The following PPP1R12B variants were observed in gnomAD, a reference collection of about 807,000 sequenced individuals.
The protein encoded by PPP1R12B is protein phosphatase 1 regulatory subunit 12B.
Under a neutral mutation model 126.1 loss-of-function variants are expected in PPP1R12B, and 76 were observed. The observed-to-expected ratio is 0.60, with a 90% CI of 0.50 to 0.73. PPP1R12B has a LOEUF of 0.73. Among genes scored for constraint, PPP1R12B ranks in the 30% least tolerant of loss-of-function variants. The pLI, the probability that PPP1R12B is intolerant of heterozygous loss-of-function variation, is 0.00. For synonymous variants in PPP1R12B, 356 were observed against 434.7 expected, an observed-to-expected ratio of 0.82 and a Z score of 2.25; for missense variants, 1,052 against 1,205.1, an observed-to-expected ratio of 0.87 and a Z score of 1.88.
chr1:202,413,656 T>C (rs560437770), intron 1 of PPP1R12B, among the ~76,000 whole-genome samples: 1 of 152,318 alleles, frequency 6.6e-6, no homozygotes, highest in East Asian at 1.9e-4. Context: ...AATATGTACT[T>C]ATTAAGTCAT....
chr1:202,435,843 C>T (rs555345248), intron 9 of PPP1R12B, among the ~76,000 whole-genome samples: 95 of 152,290 alleles, frequency 6.2e-4, no homozygotes, highest in African/African-American at 2.0e-3. Flanking sequence ...GAAGCATCAT[C>T]GTGAATAATT....
At chr1:202,530,679 C>G (rs760664583) in intron 18 of PPP1R12B, among the ~76,000 whole-genome samples, 8 of 152,120 alleles carry the variant, frequency 5.3e-5, no homozygotes, top group Admixed American at 2.0e-4. Flanking sequence ...ATTGTGAGCT[C>G]CATGCTGTGC....
At chr1:202,562,953 T>G in intron 20 of PPP1R12B, 31 bp downstream of exon 20, 1 of 1,532,272 alleles carries the variant, frequency 6.5e-7, no homozygotes, top group Non-Finnish European at 8.8e-7. Context: ...TCCGGTTCTT[T>G]GGTGACATGT....
chr1:202,409,048 A>G (rs1382280535), intron 1 of PPP1R12B, among the ~76,000 whole-genome samples: 2 of 151,528 alleles, frequency 1.3e-5, no homozygotes, highest in African/African-American at 2.4e-5. Context: ...CATGTTGCCC[A>G]GGCTGGTCTT....
intron 21 of PPP1R12B, 144 bp from the exon 22 acceptor site, chr1:202,567,633 GT>G: frequency 1.3e-6 from 1 of 764,262 alleles, no homozygotes; most frequent in South Asian, 1.8e-5. Flanking sequence ...ATCAGAACCT[GT>G]TTGCTGGGGA....
At position 202,580,789 on chromosome 1, in the gene PPP1R12B, G is replaced by C; in HGVS notation, c.*229G>C. The C allele has an allele frequency of 2.0e-6, 1 of 490,168 alleles. No individual in the cohort carries two copies. The allele number at this position is 490,168 out of a possible 1,614,324, so 30.4% of individuals were successfully genotyped here. On this transcript the variant is annotated 3_prime_UTR_variant, in exon 24 of 24. Coordinates refer to ENST00000608999, the MANE Select transcript of PPP1R12B (RefSeq NM_002481.4). ...TTTATGACAGTTTTAATTGAAGCATGATTGTGGTAATTCGAGCCATCTGGA... is the reference window on the plus strand; with the variant it reads ...TTTATGACAGTTTTAATTGAAGCATCATTGTGGTAATTCGAGCCATCTGGA...
At chr1:202,542,305 C>T (rs1177003235) in intron 18 of PPP1R12B, among the ~76,000 whole-genome samples, 1 of 152,114 alleles carries the variant, frequency 6.6e-6, no homozygotes, top group Non-Finnish European at 1.5e-5. Context: ...ACTGGCTGGT[C>T]CTCAGCCACC....
chr1:202,385,012 C>T (rs545157155), intron 1 of PPP1R12B, among the ~76,000 whole-genome samples: 11 of 152,186 alleles, frequency 7.2e-5, no homozygotes, highest in African/African-American at 2.7e-4. Context: ...TGATTATTCT[C>T]AAACAATGCC....
chr1:202,392,241 T>C (rs145259820), intron 1 of PPP1R12B, among the ~76,000 whole-genome samples: 26 of 152,268 alleles, frequency 1.7e-4, no homozygotes, highest in Admixed American at 2.6e-4. Context: ...CAAATGTTCA[T>C]CAGCTTATGG....
At position 202,562,819 on chromosome 1, in the gene PPP1R12B, A is replaced by T. The variant is rs761986722; in HGVS notation, c.2549A>T (p.Tyr850Phe). The T allele has an allele frequency of 2.0e-5, 32 of 1,613,116 alleles. No homozygotes were observed. The highest frequency in any genetic ancestry group is 2.5e-5 in the Non-Finnish European group (30 of 1,179,514). ...AGTAATCCTACAACCAGTGATTCTT[A>T]CGGTGACCGGGCTTCAGCAAGAGCC... ...GGSNPTTSDSYGDRASARARR... is the reference protein window; with the variant it reads ...GGSNPTTSDSFGDRASARARR... Residue 850 changes from tyrosine to phenylalanine, a missense_variant, in exon 20 of 24, where the codon TAC (tyrosine) becomes TTC (phenylalanine). Transcript: ENST00000608999.
chr1:202,530,631 G>C (rs529670790), intron 18 of PPP1R12B, among the ~76,000 whole-genome samples: 46 of 152,186 alleles, frequency 3.0e-4, no homozygotes, highest in Non-Finnish European at 5.7e-4. Context: ...TAAATATATG[G>C]GAGCAAGATT....
At chr1:202,486,498 C>T (rs1328495617) in intron 13 of PPP1R12B, among the ~76,000 whole-genome samples, 1 of 152,054 alleles carries the variant, frequency 6.6e-6, no homozygotes, top group African/African-American at 2.4e-5. Context: ...AAGAAATGAA[C>T]CCTTTATTTA....
rs1465169214 is a variant in PPP1R12B at position 202,589,956 on chromosome 1, C to T, written c.*9396C>T. On this transcript the variant is annotated 3_prime_UTR_variant, in exon 24 of 24. Transcript: ENST00000608999. ...AAAATGGTAGCTGCTGGTCTATCCT[C>T]AAGGAGAGGAGACAGGTGGAAGTGG... is the stretch of plus-strand genomic sequence containing the variant. 6.6e-6 allele frequency: 1 copy of T among 152,206 alleles called. No homozygotes were observed. The highest frequency in any genetic ancestry group is 1.5e-5 in the Non-Finnish European group (1 of 68,072). 9.4% of individuals were successfully genotyped at this position (152,206 alleles called of 1,614,324 possible). A position where few individuals can be genotyped will look rare whatever the true frequency, so the allele number is the denominator to read the frequency against.
chr1:202,491,389 T>G (rs768083913), intron 14 of PPP1R12B, among the ~76,000 whole-genome samples: 1 of 152,160 alleles, frequency 6.6e-6, no homozygotes, highest in Non-Finnish European at 1.5e-5. Context: ...CCTCAAGTGA[T>G]CTACCCACCT....
At chr1:202,377,388 C>T (rs1239148943) in intron 1 of PPP1R12B, among the ~76,000 whole-genome samples, 1 of 151,334 alleles carries the variant, frequency 6.6e-6, no homozygotes, top group Non-Finnish European at 1.5e-5. Flanking sequence ...CTGCAAGCTC[C>T]GCCTCCCGGG....
chr1:202,403,117 A>C (rs956159666), intron 1 of PPP1R12B, among the ~76,000 whole-genome samples: 4 of 152,288 alleles, frequency 2.6e-5, no homozygotes, highest in Admixed American at 6.5e-5. Flanking sequence ...CAGGTAATAC[A>C]AATTAATAAA....
chr1:202,404,472 T>A (rs1379629478), intron 1 of PPP1R12B, among the ~76,000 whole-genome samples: 1 of 152,002 alleles, frequency 6.6e-6, no homozygotes, highest in African/African-American at 2.4e-5. Context: ...ATAACTCAGG[T>A]AAATAATTTT....
intron 18 of PPP1R12B, among the ~76,000 whole-genome samples, chr1:202,498,051 T>G (rs1181626171): frequency 5.9e-5 from 9 of 152,038 alleles, no homozygotes; most frequent in African/African-American, 2.2e-4. Flanking sequence ...AAGGCTTTGT[T>G]GTCATAAGAA....
rs759211358 is a variant in PPP1R12B at position 202,437,992 on chromosome 1, C to G, written c.1426C>G (p.Arg476Gly). 24 of 1,613,958 alleles carry G rather than the reference C, an allele frequency of 1.5e-5. No homozygotes were observed. Among genetic ancestry groups the G allele is most frequent in the Non-Finnish European group, 2.0e-5 (24 of 1,179,992 alleles). The change falls in exon 10 of 24, where the codon CGG (arginine) becomes GGG (glycine). Residue 476 changes from arginine (R) to glycine (G), a missense_variant. Physicochemically the swap from Arg to Gly is moderately radical, Grantham distance 125. Transcript: ENST00000608999. ...SSIYRSSSSP[R>G]ISALLDNKDK... is the part of the protein sequence containing the mutation. ...CATCTATCGCTCCTCTTCAAGCCCT[C>G]GGATTTCTGCTCTACTGGACAACAA...
Sources: gnomAD v4.1 joint callset for allele counts (sites outside exome capture counted in the v4.1 genomes callset) on GRCh38, gnomAD v4.1.1 for gene constraint, MANE v1.5 for transcripts, NCBI Gene and HGNC (gene_info 2026-07-23, HGNC 2026-07-21) for gene names.